Variants in CPD observed in about 807,000 individuals in gnomAD.
The protein encoded by CPD is carboxypeptidase D.
In CPD, 69 loss-of-function variants were observed where a neutral mutation model predicts 138.3. The ratio of observed to expected loss-of-function variants is 0.50; its 90% confidence interval spans 0.41 to 0.61. The LOEUF is 0.61. Ranked by LOEUF, CPD falls within the 20% of genes least tolerant of loss-of-function variation. The probability of loss-of-function intolerance (pLI) is 0.00; values close to 1 mark genes in which losing one functional copy is unlikely to be tolerated. For synonymous variants in CPD, 651 were observed against 642.1 expected (o/e 1.01, Z -0.21); for missense variants, 1,432 against 1,733.3 (o/e 0.83, Z 3.09).
chr17:30,459,146 CTTTTTTTTT>C (rs34756707), intron 17 of CPD, among the ~76,000 whole-genome samples: 1 of 64,940 alleles, frequency 1.5e-5, no homozygotes, highest in African/African-American at 5.3e-5. Flanking sequence ...GCCAGTATCA[CTTTTTTTTT>C]TTTTTTTTTG....
intron 2 of CPD, among the ~76,000 whole-genome samples, chr17:30,405,092 A>G (rs889718149): frequency 8.5e-5 from 13 of 152,160 alleles, no homozygotes; most frequent in Non-Finnish European, 1.2e-4. Context: ...GCCAAGGTTA[A>G]GGACATGCCC....
At chr17:30,397,084 TA>T (rs1567867630) in intron 2 of CPD, among the ~76,000 whole-genome samples, 1 of 152,184 alleles carries the variant, frequency 6.6e-6, no homozygotes, top group African/African-American at 2.4e-5. Flanking sequence ...GTGATTACTT[TA>T]ATGGTTAAAC....
At chr17:30,438,581 C>T (rs1282506440) in intron 8 of CPD, among the ~76,000 whole-genome samples, 1 of 152,128 alleles carries the variant, frequency 6.6e-6, no homozygotes, top group East Asian at 1.9e-4. Context: ...AAGCTGCTTG[C>T]TTTTATTGTG....
intron 14 of CPD, among the ~76,000 whole-genome samples, chr17:30,453,582 G>C (rs1913219064): frequency 6.6e-6 from 1 of 152,200 alleles, no homozygotes; most frequent in Admixed American, 6.5e-5. Context: ...GGTGCAAGCT[G>C]TCGTGGATCT....
intron 8 of CPD, among the ~76,000 whole-genome samples, chr17:30,435,568 G>A (rs1428974965): frequency 6.6e-6 from 1 of 152,034 alleles, no homozygotes; most frequent in Non-Finnish European, 1.5e-5. Context: ...AGAAAAAATA[G>A]GAATACATTT....
Position 30,443,944 on chromosome 17 carries a change from C to T in CPD, c.2516C>T (p.Thr839Ile). Residue 839 changes from threonine to isoleucine, a missense_variant, in exon 11 of 21, where the codon ACT (threonine) becomes ATT (isoleucine). Physicochemically the swap from Thr to Ile is moderately conservative, Grantham distance 89. This residue lies in a region of CPD where 297 missense variants were observed against 405.3 expected (regional missense o/e 0.73). Transcript: ENST00000225719. ...TACTGGCGTCTCTTGGTTCCAGGAA[C>T]TTATAAAATCACAGCATCTGCTCGA... ...GDYWRLLVPG[T>I]YKITASARGY... 1 of 1,613,848 alleles carries T rather than the reference C, an allele frequency of 6.2e-7. No homozygotes were observed. Among genetic ancestry groups the T allele is most frequent in the Non-Finnish European group, 8.5e-7 (1 of 1,179,838 alleles).
chr17:30,406,388 A>G (rs1165669987), intron 2 of CPD, among the ~76,000 whole-genome samples: 1 of 152,124 alleles, frequency 6.6e-6, no homozygotes. Flanking sequence ...AGGATGCTAA[A>G]TGTATTTTCT....
At position 30,379,648 on chromosome 17, in the gene CPD, A is replaced by G. The variant is rs1162338398; in HGVS notation, c.668A>G (p.Gln223Arg). Reference sequence around the variant, plus strand: ...GACCTCAACCGAAGCTTTCCCGACCAGTTTAGCACCGGCGAACCCCCCGCC... The same window carrying G: ...GACCTCAACCGAAGCTTTCCCGACCGGTTTAGCACCGGCGAACCCCCCGCC... The part of the protein sequence containing the change: ...GRDLNRSFPD[Q>R]FSTGEPPALD... Residue 223 changes from glutamine (Q) to arginine (R), a missense_variant, in exon 1 of 21, where the codon CAG (glutamine) becomes CGG (arginine). Around this residue, in one of 6 missense-constraint regions of CPD, gnomAD observed 484 missense variants for 477.2 expected, o/e 1.01. Coordinates refer to ENST00000225719, the MANE Select transcript of CPD (RefSeq NM_001304.5). The surrounding 1 kb of genome is among the most constrained non-coding windows in gnomAD (Gnocchi z 7.0). 1 of 1,509,450 alleles carries G rather than the reference A, an allele frequency of 6.6e-7. No individual in the cohort carries two copies. The highest frequency in any genetic ancestry group is 1.5e-5 in the African/African-American group (1 of 67,688). The allele number at this position is 1,509,450 out of a possible 1,614,324, so 93.5% of individuals were successfully genotyped here. A position where few individuals can be genotyped will look rare whatever the true frequency, so the allele number is the denominator to read the frequency against.
chr17:30,401,416 C>G (rs1911665580), intron 2 of CPD, among the ~76,000 whole-genome samples: 1 of 150,852 alleles, frequency 6.6e-6, no homozygotes, highest in African/African-American at 2.4e-5. Flanking sequence ...TCTTCTTCCT[C>G]TTCCTCCTCT....
At chr17:30,402,583 A>C (rs534059767) in intron 2 of CPD, among the ~76,000 whole-genome samples, 1 of 152,288 alleles carries the variant, frequency 6.6e-6, no homozygotes, top group South Asian at 2.1e-4. Context: ...CCAAACCAAA[A>C]CAAAACGAAA....
At chr17:30,401,893 GT>G (rs1255041673) in intron 2 of CPD, among the ~76,000 whole-genome samples, 3 of 147,750 alleles carry the variant, frequency 2.0e-5, no homozygotes, top group Non-Finnish European at 4.5e-5. Context: ...TGAAATGTAA[GT>G]TTTTGTCTTT....
chr17:30,462,103 T>C, intron 19 of CPD, 41 bp downstream of exon 19: 3 of 1,515,262 alleles, frequency 2.0e-6, no homozygotes, highest in Non-Finnish European at 2.7e-6. Context: ...AAATTTTTAT[T>C]CTTAATAATA....
chr17:30,420,982 A>G lies in CPD; in HGVS notation c.1136A>G (p.Lys379Arg), dbSNP rs1597719197. 6.2e-7 allele frequency: 1 copy of G among 1,612,662 alleles called. No homozygotes were observed. Among genetic ancestry groups the G allele is most frequent in the Non-Finnish European group, 8.5e-7 (1 of 1,179,188 alleles). ...NRESLITLIE[K>R]VHIGVKGFVK... ...GAGTCTTTGATCACATTGATTGAAA[A>G]GGTAAAAGTAGATGACTGGAATGTT... is the stretch of plus-strand genomic sequence containing the variant. The change falls in exon 3 of 21, where the codon AAG becomes AGG. Residue 379 changes from lysine (K) to arginine (R), a missense_variant and splice_region_variant. Around this residue, in one of 6 missense-constraint regions of CPD, gnomAD observed 160 missense variants for 197.9 expected, o/e 0.81. Transcript: ENST00000225719.
intron 2 of CPD, among the ~76,000 whole-genome samples, chr17:30,419,635 CCAGCCTAAAT>C (rs1912214035): frequency 6.6e-6 from 1 of 152,096 alleles, no homozygotes; most frequent in African/African-American, 2.4e-5. Context: ...GCCATTGCAC[CCAGCCTAAAT>C]CAGCATGTAT....
chr17:30,412,003 A>G (rs942866708), intron 2 of CPD, among the ~76,000 whole-genome samples: 3 of 152,034 alleles, frequency 2.0e-5, no homozygotes, highest in African/African-American at 7.2e-5. Flanking sequence ...GGTTTTATCT[A>G]CCTTTGGTCT....
chr17:30,455,626 T>G (rs1913273254), intron 15 of CPD, 156 bp downstream of exon 15: 1 of 728,352 alleles, frequency 1.4e-6, no homozygotes, highest in Non-Finnish European at 2.1e-6. Context: ...CATCAGCAGT[T>G]CAGTTACTTG....
At chr17:30,403,482 A>G (rs1033674860) in intron 2 of CPD, among the ~76,000 whole-genome samples, 1 of 152,206 alleles carries the variant, frequency 6.6e-6, no homozygotes, top group Non-Finnish European at 1.5e-5. Flanking sequence ...CAGGGTCTCC[A>G]GTATAGAAGA....
chr17:30,452,679 CT>C (rs1913197127), intron 14 of CPD, among the ~76,000 whole-genome samples: 1 of 150,498 alleles, frequency 6.6e-6, no homozygotes, highest in African/African-American at 2.5e-5. Flanking sequence ...TGATTTTTTG[CT>C]TTTGTAAACA....
chr17:30,385,839 G>C (rs1455436592), intron 2 of CPD, among the ~76,000 whole-genome samples: 1 of 151,136 alleles, frequency 6.6e-6, no homozygotes, highest in African/African-American at 2.4e-5. Flanking sequence ...TAGTCCTATG[G>C]AAAAATTCCA....
Sources: allele counts gnomAD v4.1 joint callset (sites outside exome capture counted in the v4.1 genomes callset), GRCh38; gene constraint gnomAD v4.1.1; regional missense constraint gnomAD v4.1.1; non-coding constraint Gnocchi (gnomAD v3.1); transcripts MANE v1.5; gene names NCBI Gene and HGNC (gene_info 2026-07-23, HGNC 2026-07-21).